ITPR2: variants seen among roughly 807,000 people sequenced by gnomAD.
ITPR2 encodes the protein inositol 1,4,5-trisphosphate receptor type 2.
In ITPR2, 207 loss-of-function variants were observed where a neutral mutation model predicts 317.1. The observed-to-expected ratio is 0.65, with a 90% CI of 0.58 to 0.73. ITPR2 has a LOEUF of 0.73. Among genes scored for constraint, ITPR2 ranks in the 30% least tolerant of loss-of-function variants. The pLI is 0.00. For missense variants in ITPR2, 2,613 were observed against 3,284.0 expected (o/e 0.80, Z 4.99); for synonymous variants, 1,156 against 1,149.1 (o/e 1.01, Z -0.12).
intron 5 of ITPR2, among the ~76,000 whole-genome samples, chr12:26,717,963 T>C (rs1948769757): frequency 1.3e-5 from 2 of 152,202 alleles, no homozygotes; most frequent in Non-Finnish European, 2.9e-5. Context: ...CACAGAGCCA[T>C]GTAGAGGCCT....
chr12:26,735,496 A>AG (rs905249204), intron 2 of ITPR2, among the ~76,000 whole-genome samples: 1 of 151,842 alleles, frequency 6.6e-6, no homozygotes, highest in Non-Finnish European at 1.5e-5. Flanking sequence ...GGAGAGGGAG[A>AG]GGGGGAAGGG....
At chr12:26,349,853 A>G (rs571565705) in intron 55 of ITPR2, among the ~76,000 whole-genome samples, 66 of 152,354 alleles carry the variant, frequency 4.3e-4, no homozygotes, top group African/African-American at 1.4e-3. Context: ...AGGGAAAAAG[A>G]GTCTCCATGA....
intron 55 of ITPR2, among the ~76,000 whole-genome samples, chr12:26,349,428 A>G (rs1565483222): frequency 6.6e-6 from 1 of 152,236 alleles, no homozygotes; most frequent in Non-Finnish European, 1.5e-5. Context: ...GTGTGGATTG[A>G]GAAATTTGAA....
chr12:26,432,924 C>T (rs1941252016), intron 48 of ITPR2, among the ~76,000 whole-genome samples: 1 of 152,152 alleles, frequency 6.6e-6, no homozygotes, highest in African/African-American at 2.4e-5. Context: ...TTCACAGTGG[C>T]CCTAGCATAC....
rs1273849720 is a variant in ITPR2 at position 26,722,385 on chromosome 12, T to TA, written c.525+11dup. On this transcript the variant is annotated intron_variant, in intron 5 of 56. Transcript: ENST00000381340. The stretch of plus-strand genomic sequence containing the variant: ...GAACCCACTATTTCCCTCTTAATTG[T>TA]ATATTACATACATTGTCACCCTCGC... 1 of 1,601,158 alleles carries TA rather than the reference T, an allele frequency of 6.2e-7. No individual in the cohort carries two copies. The highest frequency in any genetic ancestry group is 1.7e-5 in the Admixed American group (1 of 58,164).
At chr12:26,342,514 C>CG (rs1565480113) in intron 55 of ITPR2, among the ~76,000 whole-genome samples, 1 of 15,730 alleles carries the variant, frequency 6.4e-5, no homozygotes, top group Non-Finnish European at 1.2e-4. Context: ...GGGGGGGGGG[C>CG]GGGGGTCAGA....
At chr12:26,647,637 T>C (rs1947143257) in intron 21 of ITPR2, among the ~76,000 whole-genome samples, 1 of 152,232 alleles carries the variant, frequency 6.6e-6, no homozygotes, top group Non-Finnish European at 1.5e-5. Context: ...AAAGATCAAT[T>C]ACACTGAATG....
Position 26,681,880 on chromosome 12 carries a change from T to C in ITPR2, c.1403A>G (p.Glu468Gly). 6.3e-7 allele frequency: 1 copy of C among 1,583,138 alleles called. No individual in the cohort carries two copies. ...GACCAATTTAAAGAGTTACCTCCTT[T>C]CATTCTGAGTTATTGTGCCGTTTTC... is the stretch of plus-strand genomic sequence containing the variant. ...KLENGTITQNERRFVTKLLED... is the reference protein window; with the variant it reads ...KLENGTITQNGRRFVTKLLED... Residue 468 changes from glutamate to glycine, a missense_variant, in exon 13 of 57, where the codon GAA becomes GGA. This residue lies in a region of ITPR2 where 515 missense variants were observed against 789.4 expected (regional missense o/e 0.65). Transcript: ENST00000381340.
At chr12:26,460,515 C>T (rs924784794) in intron 45 of ITPR2, among the ~76,000 whole-genome samples, 1 of 151,218 alleles carries the variant, frequency 6.6e-6, no homozygotes, top group African/African-American at 2.4e-5. Flanking sequence ...GTGGAAAGCA[C>T]AAAAAAAGGA....
chr12:26,339,572 C>A, intron 56 of ITPR2, 89 bp from the exon 57 acceptor site: 1 of 876,152 alleles, frequency 1.1e-6, no homozygotes, highest in East Asian at 2.5e-5. Context: ...TTAATATTCC[C>A]CAACTACCTA....
At chr12:26,654,318 A>G (rs1347614284) in intron 20 of ITPR2, among the ~76,000 whole-genome samples, 192 bp from the exon 21 acceptor site, 2 of 152,258 alleles carry the variant, frequency 1.3e-5, no homozygotes, top group African/African-American at 4.8e-5. Context: ...TCAAGTCTAG[A>G]ACTAAATCCA....
intron 55 of ITPR2, among the ~76,000 whole-genome samples, chr12:26,343,773 T>C (rs1591949091): frequency 6.6e-6 from 1 of 151,262 alleles, no homozygotes; most frequent in African/African-American, 2.4e-5. Flanking sequence ...TTATGGGAGG[T>C]TTGAGGTGTG....
At chr12:26,392,954 C>T (rs1296856525) in intron 54 of ITPR2, among the ~76,000 whole-genome samples, 2 of 152,190 alleles carry the variant, frequency 1.3e-5, no homozygotes, top group Non-Finnish European at 1.5e-5. Flanking sequence ...GATGCAAGAG[C>T]TAATCTGTGT....
chr12:26,413,844 A>C (rs960780227), intron 51 of ITPR2, among the ~76,000 whole-genome samples: 5 of 152,206 alleles, frequency 3.3e-5, no homozygotes, highest in Non-Finnish European at 4.4e-5. Context: ...TCATAACACA[A>C]TGATAACCAA....
chr12:26,600,273 C>T (rs558595301), intron 28 of ITPR2, among the ~76,000 whole-genome samples, 164 bp from the exon 29 acceptor site: 3 of 151,986 alleles, frequency 2.0e-5, no homozygotes, highest in Non-Finnish European at 4.4e-5. Flanking sequence ...CCCCTCCTGT[C>T]CCTCTTCTCT....
At chr12:26,701,256 C>A (rs190511798) in intron 9 of ITPR2, among the ~76,000 whole-genome samples, 4 of 152,056 alleles carry the variant, frequency 2.6e-5, no homozygotes, top group African/African-American at 4.8e-5. Context: ...AGAAGCAGAC[C>A]GTAAGTTTTT....
At chr12:26,752,946 G>A (rs1173169472) in intron 2 of ITPR2, among the ~76,000 whole-genome samples, 3 of 152,120 alleles carry the variant, frequency 2.0e-5, no homozygotes, top group African/African-American at 7.2e-5. Context: ...TGGGTAAGTG[G>A]TGGGGTCCAG....
intron 23 of ITPR2, among the ~76,000 whole-genome samples, chr12:26,626,374 A>G (rs964869573): frequency 6.6e-6 from 1 of 152,230 alleles, no homozygotes; most frequent in Non-Finnish European, 1.5e-5. Flanking sequence ...CCAGAAAGGT[A>G]TCCCTTACTG....
chr12:26,712,174 G>A (rs749897371), intron 8 of ITPR2, among the ~76,000 whole-genome samples: 50 of 152,114 alleles, frequency 3.3e-4, no homozygotes, highest in South Asian at 2.1e-4. Flanking sequence ...TTATTTCTTC[G>A]TGTACAAAAT....
Sources: gnomAD v4.1 joint callset for allele counts (sites outside exome capture counted in the v4.1 genomes callset) on GRCh38, gnomAD v4.1.1 for gene constraint, gnomAD v4.1.1 regional missense constraint, MANE v1.5 for transcripts, NCBI Gene and HGNC (gene_info 2026-07-23, HGNC 2026-07-21) for gene names.